The following OLFM2 variants were observed in gnomAD, a reference collection of about 807,000 sequenced individuals.
OLFM2 encodes noelin-2.
Under a neutral mutation model 43.9 loss-of-function variants are expected in OLFM2, and 20 were observed. The ratio of observed to expected loss-of-function variants is 0.46; its 90% CI spans 0.32 to 0.66. The LOEUF (loss-of-function observed/expected upper bound fraction) is 0.66. OLFM2 is among the 30% of genes least tolerant of loss of function. OLFM2 has a pLI of 0.04. For missense variants in OLFM2, 416 were observed against 643.6 expected (o/e 0.65, Z 3.83); for synonymous variants, 268 against 278.6 (o/e 0.96, Z 0.38).
chr19:9,888,037 A>C (rs954209248), intron 1 of OLFM2, among the ~76,000 whole-genome samples: 1 of 151,874 alleles, frequency 6.6e-6, no homozygotes, highest in African/African-American at 2.4e-5. Flanking sequence ...ACTCCTTCAC[A>C]ATCTGTCCCA....
chr19:9,894,395 A>AATG (rs2046663926), intron 1 of OLFM2, among the ~76,000 whole-genome samples: 1 of 92,000 alleles, frequency 1.1e-5, no homozygotes, highest in Non-Finnish European at 2.3e-5. Context: ...TAATAATAAT[A>AATG]ATAATAATAA....
intron 1 of OLFM2, among the ~76,000 whole-genome samples, chr19:9,913,071 G>C (rs1374678393): frequency 6.6e-6 from 1 of 151,736 alleles, no homozygotes; most frequent in Non-Finnish European, 1.5e-5. Context: ...CCCTCTTTCA[G>C]AGACAGGGTC....
In OLFM2 at chr19:9,926,290, C is replaced by T. The variant is rs575363602; in HGVS notation, c.63+10014G>A. Among the ~76,000 whole-genome samples, 36 of 152,294 alleles carry T rather than the reference C, an allele frequency of 2.4e-4. No homozygotes were observed. The East Asian group carries it at 4.6e-3, about 20-fold the overall frequency. ...ATTCTAGGCCAGGCATGGTGGCTCACGCCTGTAATTCCAGCACTTTGGAAG... is the reference window on the plus strand; with the variant it reads ...ATTCTAGGCCAGGCATGGTGGCTCATGCCTGTAATTCCAGCACTTTGGAAG... On this transcript the variant is annotated intron_variant, in intron 1 of 5. Transcript: ENST00000264833.
chr19:9,854,631 G>A lies in OLFM2; in HGVS notation c.920C>T (p.Ala307Val). The A allele has an allele frequency of 6.2e-7, 1 of 1,614,172 alleles. No individual in the cohort carries two copies. The highest frequency in any genetic ancestry group is 8.5e-7 in the Non-Finnish European group (1 of 1,180,018). Residue 307 changes from alanine to valine, a missense_variant, in exon 6 of 6, where the codon GCC (alanine) becomes GTC (valine). Coordinates refer to ENST00000264833, the MANE Select transcript of OLFM2 (RefSeq NM_058164.4). This position sits in a 1 kb window ranked among gnomAD's most constrained non-coding sequence, Gnocchi z 9.5. ...SVLVQRSLPGAGYNNTFPYSW... is the reference protein window; with the variant it reads ...SVLVQRSLPGVGYNNTFPYSW... Reference sequence around the variant, plus strand: ...GTAGGGGAAGGTGTTGTTGTAACCGGCGCCCGGGAGGCTCCTCTGCACCAG... The same window carrying A: ...GTAGGGGAAGGTGTTGTTGTAACCGACGCCCGGGAGGCTCCTCTGCACCAG...
At chr19:9,911,609 GACAT>G in intron 1 of OLFM2, among the ~76,000 whole-genome samples, 1 of 152,158 alleles carries the variant, frequency 6.6e-6, no homozygotes, top group East Asian at 1.9e-4. Flanking sequence ...CACTTACAAA[GACAT>G]ACCTGTCCAC....
chr19:9,936,247 G>A (rs1568391522), intron 1 of OLFM2, 57 bp downstream of exon 1: 5 of 1,504,180 alleles, frequency 3.3e-6, no homozygotes, highest in Non-Finnish European at 4.4e-6. Context: ...GGAACCCTCC[G>A]CGCCCCCCTC....
Position 9,857,581 on chromosome 19 carries a change from T to C in OLFM2, c.361-99A>G. ...TCATAACTTCACCCTTTGTCTTTGA[T>C]GCACACCTGGCCCTTGACATGTGGC... On this transcript the variant is annotated intron_variant, in intron 3 of 5. Coordinates refer to ENST00000264833, the MANE Select transcript of OLFM2 (RefSeq NM_058164.4). This position sits in a 1 kb window ranked among gnomAD's most constrained non-coding sequence, Gnocchi z 5.7. 1 of 1,557,828 alleles carries C rather than the reference T, an allele frequency of 6.4e-7. No homozygotes were observed. Among genetic ancestry groups the C allele is most frequent in the Non-Finnish European group, 8.8e-7 (1 of 1,136,684 alleles).
intron 1 of OLFM2, among the ~76,000 whole-genome samples, chr19:9,888,075 C>T (rs1435823459): frequency 6.6e-6 from 1 of 152,130 alleles, no homozygotes; most frequent in African/African-American, 2.4e-5. Context: ...CTTCCTTCCA[C>T]TCTCCCTCTC....
At chr19:9,896,282 G>A (rs2046684247) in intron 1 of OLFM2, among the ~76,000 whole-genome samples, 1 of 151,976 alleles carries the variant, frequency 6.6e-6, no homozygotes, top group South Asian at 2.1e-4. Context: ...TGTATTTTTA[G>A]TAGAGACAGG....
intron 1 of OLFM2, among the ~76,000 whole-genome samples, chr19:9,891,436 C>G (rs2046639151): frequency 6.7e-6 from 1 of 150,264 alleles, no homozygotes; most frequent in Non-Finnish European, 1.5e-5. Context: ...ACCAGCCTGG[C>G]CAACATGGTG....
intron 1 of OLFM2, among the ~76,000 whole-genome samples, chr19:9,907,346 T>C (rs2046793838): frequency 1.3e-5 from 2 of 152,086 alleles, no homozygotes; most frequent in Non-Finnish European, 2.9e-5. Flanking sequence ...TCCCAGCTAC[T>C]TGGGAGGCCG....
chr19:9,879,470 GTCTC>G (rs2046521236), intron 1 of OLFM2, among the ~76,000 whole-genome samples: 1 of 151,998 alleles, frequency 6.6e-6, no homozygotes, highest in South Asian at 2.1e-4. Context: ...ACCTCCCCCA[GTCTC>G]TCTCTTGCTC....
intron 1 of OLFM2, among the ~76,000 whole-genome samples, chr19:9,878,390 T>C (rs925080408): frequency 4.4e-5 from 6 of 136,604 alleles, no homozygotes; most frequent in Non-Finnish European, 9.6e-5. Context: ...TCTTTTTTTT[T>C]TTTTTTTTTT....
rs2046335797 is a variant in OLFM2, at chr19:9,857,923, C to T, written c.214-62G>A. The T allele has an allele frequency of 2.5e-6, 4 of 1,605,046 alleles. No individual in the cohort carries two copies. Among genetic ancestry groups the T allele is most frequent in the Non-Finnish European group, 2.6e-6 (3 of 1,173,654 alleles). The stretch of plus-strand genomic sequence containing the variant: ...TCCCCAAATCCCAACCCAGAGATGC[C>T]ACAGACAAGAGCTGGCAGGAACAGA... On this transcript the variant is annotated intron_variant, in intron 2 of 5. Transcript: ENST00000264833. This position sits in a 1 kb window ranked among gnomAD's most constrained non-coding sequence, Gnocchi z 5.7.
At chr19:9,878,922 C>T (rs1225981867) in intron 1 of OLFM2, among the ~76,000 whole-genome samples, 1 of 152,152 alleles carries the variant, frequency 6.6e-6, no homozygotes, top group African/African-American at 2.4e-5. Flanking sequence ...TCATGGCTCA[C>T]TGCAGCCTCA....
At chr19:9,900,595 C>T (rs779538058) in intron 1 of OLFM2, among the ~76,000 whole-genome samples, 8 of 151,668 alleles carry the variant, frequency 5.3e-5, no homozygotes, top group Non-Finnish European at 8.8e-5. Context: ...AGGTGTGAAA[C>T]GTGATGGGGG....
chr19:9,855,652 G>GC (rs1247384283), intron 5 of OLFM2, among the ~76,000 whole-genome samples: 2 of 151,770 alleles, frequency 1.3e-5, no homozygotes, highest in African/African-American at 2.4e-5. Context: ...TCTCACCTCA[G>GC]CCCCCCGGAA....
intron 1 of OLFM2, among the ~76,000 whole-genome samples, chr19:9,921,283 A>AT (rs1004728565): frequency 4.0e-5 from 6 of 150,322 alleles, no homozygotes; most frequent in South Asian, 2.1e-4. Context: ...TGCTTGGCTA[A>AT]TTTTTTTTTA....
At chr19:9,913,188 TG>T (rs2046842741) in intron 1 of OLFM2, among the ~76,000 whole-genome samples, 1 of 151,960 alleles carries the variant, frequency 6.6e-6, no homozygotes, top group Admixed American at 6.6e-5. Context: ...GGAGCGAGCC[TG>T]GTACGCTATT....
Sources: allele counts gnomAD v4.1 joint callset (sites outside exome capture counted in the v4.1 genomes callset), GRCh38; gene constraint gnomAD v4.1.1; non-coding constraint Gnocchi (gnomAD v3.1); transcripts MANE v1.5; gene names NCBI Gene and HGNC (gene_info 2026-07-23, HGNC 2026-07-21).